The following NRXN3 variants were observed in gnomAD, a reference collection of about 807,000 sequenced individuals.
NRXN3 encodes the protein neurexin 3.
In NRXN3, 32 loss-of-function variants were observed where a neutral mutation model predicts 137.6. The ratio of observed to expected loss-of-function variants is 0.23; its 90% CI spans 0.18 to 0.31. The LOEUF (loss-of-function observed/expected upper bound fraction) is 0.31, where lower values mean the gene tolerates loss of function less well. Among genes scored for constraint, NRXN3 ranks in the 10% least tolerant of loss-of-function variants. The pLI, the probability that NRXN3 is intolerant of heterozygous loss-of-function variation, is 1.00. For missense variants in NRXN3, 1,574 were observed against 2,062.5 expected (o/e 0.76, Z 4.59); for synonymous variants, 798 against 784.5 (o/e 1.02, Z -0.29).
intron 16 of NRXN3, among the ~76,000 whole-genome samples, chr14:79,531,556 G>A (rs1049063289): frequency 8.6e-5 from 13 of 152,028 alleles, no homozygotes; most frequent in South Asian, 4.2e-4. Context: ...ATGACATTTC[G>A]CAGAAAATGT....
At chr14:78,284,993 G>A (rs925955300) in intron 3 of NRXN3, among the ~76,000 whole-genome samples, 20 of 152,220 alleles carry the variant, frequency 1.3e-4, no homozygotes, top group African/African-American at 4.8e-4. Flanking sequence ...TGTAAATGCA[G>A]GTCTGGAATT....
intron 19 of NRXN3, among the ~76,000 whole-genome samples, chr14:79,798,861 C>T (rs1373915698): frequency 6.6e-6 from 1 of 152,086 alleles, no homozygotes; most frequent in Non-Finnish European, 1.5e-5. Context: ...CAGTGTAGAA[C>T]CATTGCCAAG....
chr14:78,399,420 A>G (rs947231061), intron 4 of NRXN3, among the ~76,000 whole-genome samples: 5 of 152,188 alleles, frequency 3.3e-5, no homozygotes, highest in African/African-American at 4.8e-5. Context: ...ACACCAAAGC[A>G]TTTGATAAGT....
intron 18 of NRXN3, among the ~76,000 whole-genome samples, chr14:79,696,133 C>T (rs111226252): frequency 1.3e-5 from 2 of 151,890 alleles, no homozygotes; most frequent in African/African-American, 2.4e-5. Flanking sequence ...CATTGTTATA[C>T]ATTGAGAAGG....
intron 19 of NRXN3, among the ~76,000 whole-genome samples, chr14:79,718,103 C>A (rs1165264986): frequency 6.6e-6 from 1 of 152,074 alleles, no homozygotes; most frequent in Non-Finnish European, 1.5e-5. Context: ...AGAAAATAAA[C>A]CTGCGCAATG....
At chr14:78,576,637 C>T (rs988743500) in intron 4 of NRXN3, among the ~76,000 whole-genome samples, 5 of 152,182 alleles carry the variant, frequency 3.3e-5, no homozygotes, top group Non-Finnish European at 7.3e-5. Flanking sequence ...CTTATTCTCA[C>T]ACCTGCTTTT....
chr14:79,560,504 CTTT>C (rs34025659), intron 16 of NRXN3, among the ~76,000 whole-genome samples: 1,716 of 43,594 alleles, frequency 0.039, 18 homozygotes, highest in Admixed American at 0.1. Context: ...AGATTGTAAG[CTTT>C]TTTTTTTTTT....
intron 6 of NRXN3, among the ~76,000 whole-genome samples, chr14:78,674,111 A>G (rs1439832465): frequency 6.6e-6 from 1 of 152,150 alleles, no homozygotes; most frequent in African/African-American, 2.4e-5. Flanking sequence ...CTGGGACAGA[A>G]GCAGCTATTA....
intron 19 of NRXN3, among the ~76,000 whole-genome samples, chr14:79,722,225 T>C (rs557546551): frequency 6.6e-6 from 1 of 152,222 alleles, no homozygotes; most frequent in African/African-American, 2.4e-5. Flanking sequence ...ACTTTAGTAA[T>C]GTCTTCAATG....
rs1218130629 is a variant in NRXN3 at position 78,243,774 on chromosome 14, T to C, written c.681T>C (p.Thr227=). The stretch of plus-strand genomic sequence containing the variant: ...ACCCCACCTGTGACTGTTCTACCAC[T>C]GGCTATGGTGGCAAGCTCTGCTCAG... ...DGHPTCDCST[T]GYGGKLCSED... Residue 227 remains threonine (T), a synonymous_variant, in exon 2 of 21, where the codon ACT becomes ACC. Coordinates refer to ENST00000335750, the MANE Select transcript of NRXN3 (RefSeq NM_001330195.2). This position sits in a 1 kb window ranked among gnomAD's most constrained non-coding sequence, Gnocchi z 4.2. 6 of 1,590,484 alleles carry C rather than the reference T, an allele frequency of 3.8e-6. No individual in the cohort carries two copies. In the African/African-American group the frequency reaches 6.7e-5, roughly 18 times the overall value.
intron 8 of NRXN3, among the ~76,000 whole-genome samples, chr14:78,771,982 T>C (rs780334412): frequency 6.6e-6 from 1 of 152,212 alleles, no homozygotes; most frequent in Non-Finnish European, 1.5e-5. Flanking sequence ...GACCCAAGTC[T>C]AAACATGAAA....
intron 15 of NRXN3, among the ~76,000 whole-genome samples, chr14:79,088,786 T>C (rs2048620546): frequency 6.6e-6 from 1 of 152,188 alleles, no homozygotes; most frequent in African/African-American, 2.4e-5. Context: ...GTTGAAAATG[T>C]GCCTTCCTGG....
intron 4 of NRXN3, among the ~76,000 whole-genome samples, chr14:78,337,069 T>C (rs2153577439): frequency 6.6e-6 from 1 of 152,316 alleles, no homozygotes; most frequent in African/African-American, 2.4e-5. Flanking sequence ...TAGAATTCAG[T>C]GCCCAGACTT....
chr14:79,788,608 G>C (rs774917548), intron 19 of NRXN3, among the ~76,000 whole-genome samples: 9 of 152,148 alleles, frequency 5.9e-5, no homozygotes, highest in Non-Finnish European at 8.8e-5. Context: ...GATTACCTTG[G>C]ACTCTCACCA....
At chr14:79,466,905 T>C (rs2096433933) in intron 15 of NRXN3, among the ~76,000 whole-genome samples, 1 of 152,168 alleles carries the variant, frequency 6.6e-6, no homozygotes, top group African/African-American at 2.4e-5. Flanking sequence ...ACCAGAAAGT[T>C]GTTTATTGCA....
At chr14:79,296,447 G>GAA (rs113327994) in intron 15 of NRXN3, among the ~76,000 whole-genome samples, 5,685 of 139,434 alleles carry the variant, frequency 0.041, 284 homozygotes, top group African/African-American at 0.11. Flanking sequence ...ATATACTTGG[G>GAA]AAAAAAAAAA....
chr14:78,325,760 CT>C (rs900346544), intron 4 of NRXN3, among the ~76,000 whole-genome samples: 2 of 152,098 alleles, frequency 1.3e-5, no homozygotes, highest in African/African-American at 4.8e-5. Context: ...CTCTCTGCCC[CT>C]GTTTCCATTT....
intron 15 of NRXN3, among the ~76,000 whole-genome samples, chr14:79,131,178 C>A (rs938736834): frequency 2.0e-5 from 3 of 152,212 alleles, no homozygotes; most frequent in African/African-American, 7.2e-5. Flanking sequence ...TCTCTCAGCT[C>A]ATCAAAGTCA....
chr14:78,815,479 C>CTTTTTTTTTTTTTTTTTTTTTTTTTTTTT (rs61411777), intron 10 of NRXN3, among the ~76,000 whole-genome samples: 4 of 84,436 alleles, frequency 4.7e-5, no homozygotes, highest in Non-Finnish European at 4.3e-5. Context: ...TTGTTTCTTT[C>CTTTTTTTTTTTTTTTTTTTTTTTTTTTTT]TTTTTTTTTT....
Sources: allele counts gnomAD v4.1 joint callset (sites outside exome capture counted in the v4.1 genomes callset), GRCh38; gene constraint gnomAD v4.1.1; non-coding constraint Gnocchi (gnomAD v3.1); transcripts MANE v1.5; gene names NCBI Gene and HGNC (gene_info 2026-07-23, HGNC 2026-07-21).